ITPR1: variants seen among roughly 807,000 people sequenced by gnomAD.
ITPR1 encodes the protein inositol 1,4,5-trisphosphate receptor type 1, also known as inositol 1,4,5-trisphosphate-gated calcium channel ITPR1.
A neutral mutation model predicts 318.4 loss-of-function variants in ITPR1; 96 were observed. The ratio of observed to expected loss-of-function variants is 0.30; its 90% confidence interval spans 0.26 to 0.36. The LOEUF (loss-of-function observed/expected upper bound fraction) is 0.36. Among genes scored for constraint, ITPR1 ranks in the 10% least tolerant of loss-of-function variants. The probability of loss-of-function intolerance (pLI) is 1.00; values close to 1 mark genes in which losing one functional copy is unlikely to be tolerated. For synonymous variants in ITPR1, 1,312 were observed against 1,289.9 expected, an observed-to-expected ratio of 1.02 and a Z score of -0.37; for missense variants, 2,440 against 3,460.2, an observed-to-expected ratio of 0.71 and a Z score of 7.40.
At chr3:4,621,463 C>A (rs1399098205) in intron 4 of ITPR1, among the ~76,000 whole-genome samples, 1 of 152,176 alleles carries the variant, frequency 6.6e-6, no homozygotes, top group African/African-American at 2.4e-5. Context: ...AGTCACTTCC[C>A]TCCAGGCCCA....
Position 4,702,933 on chromosome 3 carries a change from G to C in ITPR1, c.4640G>C (p.Arg1547Pro). 6.2e-7 allele frequency: 1 copy of C among 1,613,850 alleles called. No individual in the cohort carries two copies. The highest frequency in any genetic ancestry group is 8.5e-7 in the Non-Finnish European group (1 of 1,179,792). ...SQKASVESCI[R>P]VLSDVAKSRA... ...AAAGCCTCCGTGGAGAGCTGTATTC[G>C]GGTGCTGTCTGATGTAGGTAAGATA... The change falls in exon 36 of 62, where the codon CGG (arginine) becomes CCG (proline). Residue 1547 changes from arginine (R) to proline (P), a missense_variant. Around this residue, in one of 23 missense-constraint regions of ITPR1, gnomAD observed 166 missense variants for 246.5 expected, o/e 0.67. Transcript: ENST00000649015.
intron 55 of ITPR1, among the ~76,000 whole-genome samples, chr3:4,808,779 TC>T (rs1292089779): frequency 6.6e-6 from 1 of 152,158 alleles, no homozygotes; most frequent in Non-Finnish European, 1.5e-5. Flanking sequence ...ACCCATGTGT[TC>T]CAGAGTTGGG....
intron 61 of ITPR1, among the ~76,000 whole-genome samples, chr3:4,842,040 A>G (rs912174894): frequency 1.3e-5 from 2 of 152,336 alleles, no homozygotes; most frequent in Non-Finnish European, 2.9e-5. Flanking sequence ...GACTATTAAG[A>G]TGTGTTATAA....
intron 50 of ITPR1, among the ~76,000 whole-genome samples, chr3:4,783,416 T>TG (rs1356906969): frequency 4.0e-5 from 6 of 151,894 alleles, no homozygotes; most frequent in Non-Finnish European, 7.4e-5. Flanking sequence ...CCGAGGTTGG[T>TG]GGGCCCCTGT....
At chr3:4,691,906 C>T (rs922916508) in intron 32 of ITPR1, among the ~76,000 whole-genome samples, 3 of 152,172 alleles carry the variant, frequency 2.0e-5, no homozygotes, top group Non-Finnish European at 4.4e-5. Flanking sequence ...AATCCCAGCT[C>T]TTTGGGAGGC....
rs1032752867 is a variant in ITPR1, at chr3:4,660,402, G to A, written c.1152-586G>A. Among the ~76,000 whole-genome samples, 15 of 148,588 alleles carry A rather than the reference G, an allele frequency of 1.0e-4. No individual in the cohort carries two copies. The South Asian group carries it at 3.2e-3, about 32-fold the overall frequency. On this transcript the variant is annotated intron_variant, in intron 13 of 61. Coordinates refer to ENST00000649015, the MANE Select transcript of ITPR1 (RefSeq NM_001378452.1). ...CTCTTTTATTTTCCCAGGCTATGGT[G>A]ATTTTTTTTCAACTTTGTTTATGAT...
At position 4,589,760 on chromosome 3, in the gene ITPR1, G is replaced by A. The variant is rs550326944; in HGVS notation, c.164-38003G>A. Among the ~76,000 whole-genome samples the A allele has an allele frequency of 4.1e-3, 552 of 133,242 alleles. 3 individuals are homozygous for A. The highest frequency in any genetic ancestry group is 5.4e-3 in the Non-Finnish European group (351 of 65,000). 87.4% of individuals were successfully genotyped at this position (133,242 alleles called of 152,430 possible). ...GACTGCTCATTAAGATTACCCAGAA[G>A]AATTAAAAAAAAAAATGCAAAACGA... On this transcript the variant is annotated intron_variant, in intron 4 of 61. Transcript: ENST00000649015.
At chr3:4,795,336 T>C (rs1465581866) in intron 53 of ITPR1, 149 bp downstream of exon 53, 2 of 663,674 alleles carry the variant, frequency 3.0e-6, no homozygotes, top group Non-Finnish European at 4.5e-6. Flanking sequence ...GCTGTTACCA[T>C]AGATTTAGTT....
At chr3:4,635,492 C>T (rs913531015) in intron 5 of ITPR1, among the ~76,000 whole-genome samples, 4 of 152,038 alleles carry the variant, frequency 2.6e-5, no homozygotes, top group Non-Finnish European at 5.9e-5. Flanking sequence ...AGGTGCCCGC[C>T]ACCACGCCCG....
chr3:4,823,840 C>G lies in ITPR1; in HGVS notation c.8028+5598C>G, dbSNP rs2049885042. On this transcript the variant is annotated intron_variant, in intron 60 of 61. Coordinates refer to ENST00000649015, the MANE Select transcript of ITPR1 (RefSeq NM_001378452.1). The stretch of plus-strand genomic sequence containing the variant: ...TGACTGGATCACTAGGCACTATATA[C>G]ATGTAACACAATTTCATATATACCC... Among the ~76,000 whole-genome samples the G allele has an allele frequency of 2.6e-5, 4 of 152,222 alleles. No individual in the cohort carries two copies. In the South Asian group the frequency reaches 8.3e-4, roughly 32 times the overall value.
At chr3:4,532,156 C>G (rs1232982694) in intron 4 of ITPR1, among the ~76,000 whole-genome samples, 9 of 152,084 alleles carry the variant, frequency 5.9e-5, no homozygotes, top group Non-Finnish European at 1.3e-4. Context: ...ACTGTGAGGA[C>G]AGAAACCATG....
In ITPR1 at chr3:4,768,525, A is replaced by G. The variant is rs914527077; in HGVS notation, c.5740A>G (p.Thr1914Ala). ...PSRKKAKEPT[T>A]QITEEVRDQL... ...TTGCTTTCTAGCTAAAGAGCCCACAACACAGATAACAGAAGAGGTCCGGGA... is the reference window on the plus strand; with the variant it reads ...TTGCTTTCTAGCTAAAGAGCCCACAGCACAGATAACAGAAGAGGTCCGGGA... The change falls in exon 46 of 62, where the codon ACA becomes GCA. Residue 1914 changes from threonine (T) to alanine (A), a missense_variant. This residue lies in a region of ITPR1 where 113 missense variants were observed against 103.6 expected (regional missense o/e 1.09). Coordinates refer to ENST00000649015, the MANE Select transcript of ITPR1 (RefSeq NM_001378452.1). 3 of 1,610,626 alleles carry G rather than the reference A, an allele frequency of 1.9e-6. No homozygotes were observed. Among genetic ancestry groups the G allele is most frequent in the Non-Finnish European group, 2.5e-6 (3 of 1,177,324 alleles).
intron 44 of ITPR1, among the ~76,000 whole-genome samples, chr3:4,744,465 G>GA (rs2043934066): frequency 6.6e-6 from 1 of 152,164 alleles, no homozygotes; most frequent in African/African-American, 2.4e-5. Context: ...TAGCCCACGG[G>GA]AAAAATCCAG....
rs376936153 is a variant in ITPR1 at position 4,625,086 on chromosome 3, G to T, written c.164-2677G>T. ...ATGCAGTAGAAATTATTCAGTAGATGGATTAGATTCTTGATAAAGATAGCT... is the reference window on the plus strand; with the variant it reads ...ATGCAGTAGAAATTATTCAGTAGATTGATTAGATTCTTGATAAAGATAGCT... On this transcript the variant is annotated intron_variant, in intron 4 of 61. Transcript: ENST00000649015. Among the ~76,000 whole-genome samples the T allele has an allele frequency of 2.0e-5, 3 of 152,194 alleles. No homozygotes were observed. The East Asian group carries it at 5.8e-4, about 29-fold the overall frequency.
intron 21 of ITPR1, 73 bp downstream of exon 21, chr3:4,673,460 A>C: frequency 1.5e-6 from 2 of 1,344,676 alleles, no homozygotes; most frequent in Non-Finnish European, 2.0e-6. Context: ...TGGTCTCATT[A>C]AATCTTAGAA....
chr3:4,651,301 G>A (rs2093594071), intron 10 of ITPR1, among the ~76,000 whole-genome samples: 2 of 152,194 alleles, frequency 1.3e-5, no homozygotes, highest in Non-Finnish European at 2.9e-5. Flanking sequence ...CTTTTTCTGT[G>A]TGTAGTTCTG....
intron 53 of ITPR1, among the ~76,000 whole-genome samples, chr3:4,797,360 T>C (rs1673422333): frequency 6.6e-6 from 1 of 152,182 alleles, no homozygotes; most frequent in Admixed American, 6.6e-5. Flanking sequence ...AAGTATTTCT[T>C]TGAGCTAATA....
intron 4 of ITPR1, among the ~76,000 whole-genome samples, chr3:4,567,553 G>A (rs1277303257): frequency 1.3e-5 from 2 of 152,084 alleles, no homozygotes; most frequent in South Asian, 4.1e-4. Context: ...TGGGCTTGGG[G>A]GCTGAGGTGG....
rs76008999 is a variant in ITPR1, at chr3:4,833,762, C to T, written c.8029-3012C>T. Among the ~76,000 whole-genome samples the T allele has an allele frequency of 6.5e-3, 988 of 152,334 alleles. 12 individuals are homozygous for T. The highest frequency in any genetic ancestry group is 0.022 in the African/African-American group (924 of 41,576). On this transcript the variant is annotated intron_variant, in intron 60 of 61. Transcript: ENST00000649015. ...AAATGCCCTCATGCTTGCCCAAGGG[C>T]TAACCTTCTTTAGGGCCAAGCCTTG...
Sources: allele counts gnomAD v4.1 joint callset (sites outside exome capture counted in the v4.1 genomes callset), GRCh38; gene constraint gnomAD v4.1.1; regional missense constraint gnomAD v4.1.1; transcripts MANE v1.5; gene names NCBI Gene and HGNC (gene_info 2026-07-23, HGNC 2026-07-21).